Variants in GLI3 observed in about 807,000 individuals in gnomAD.
The protein encoded by GLI3 is transcription activator GLI3.
A neutral mutation model predicts 100.8 loss-of-function variants in GLI3; 20 were observed. The observed-to-expected ratio is 0.20, with a 90% CI of 0.14 to 0.29. The LOEUF (loss-of-function observed/expected upper bound fraction) is 0.29, where lower values mean the gene tolerates loss of function less well. GLI3 is among the 10% of genes least tolerant of loss of function. GLI3 has a pLI of 1.00. For synonymous variants in GLI3, 938 were observed against 860.5 expected (o/e 1.09, Z -1.58); for missense variants, 2,040 against 2,128.5 (o/e 0.96, Z 0.82).
At chr7:42,145,286 T>A in intron 3 of GLI3, 1 of 312,030 alleles carries the variant, frequency 3.2e-6, no homozygotes, top group East Asian at 5.1e-5. Context: ...TAGGATGTCT[T>A]TAAATATTCA....
chr7:42,236,744 G>T (rs1788807410), intron 1 of GLI3, among the ~76,000 whole-genome samples: 1 of 152,228 alleles, frequency 6.6e-6, no homozygotes, highest in Non-Finnish European at 1.5e-5. Context: ...TCTCCGGCCG[G>T]TCCGCGGGTC....
At chr7:42,128,292 C>T (rs1397146648) in intron 3 of GLI3, among the ~76,000 whole-genome samples, 2 of 151,228 alleles carry the variant, frequency 1.3e-5, no homozygotes, top group African/African-American at 4.9e-5. Context: ...TTCTATCAAC[C>T]TATCATGTAT....
At chr7:41,968,747 A>AGAAAGAAGGAAG (rs1554305464) in intron 13 of GLI3, among the ~76,000 whole-genome samples, 5 of 122,046 alleles carry the variant, frequency 4.1e-5, no homozygotes, top group Admixed American at 7.9e-5. Context: ...AAAGAAAGAA[A>AGAAAGAAGGAAG]GAAAGAAAGA....
At chr7:42,068,109 C>A (rs150578956) in intron 4 of GLI3, among the ~76,000 whole-genome samples, 1 of 152,238 alleles carries the variant, frequency 6.6e-6, no homozygotes, top group South Asian at 2.1e-4. Context: ...ATTCTCCCTG[C>A]ATTATTTTCT....
At chr7:42,237,344 C>T (rs1788829740), upstream of GLI3, among the ~76,000 whole-genome samples, 1 of 152,004 alleles carries the variant, frequency 6.6e-6, no homozygotes, top group African/African-American at 2.4e-5. Flanking sequence ...GGTTCAACCG[C>T]GGGAGGGAGG....
intron 2 of GLI3, chr7:42,172,545 C>T (rs1252424439): frequency 1.4e-6 from 1 of 703,008 alleles, no homozygotes; most frequent in Admixed American, 2.0e-5. Flanking sequence ...GGTTTGTACG[C>T]ATTCTTTGGA....
At chr7:42,208,886 T>A (rs983262785) in intron 2 of GLI3, among the ~76,000 whole-genome samples, 1 of 152,084 alleles carries the variant, frequency 6.6e-6, no homozygotes, top group Non-Finnish European at 1.5e-5. Flanking sequence ...TAATGAATAA[T>A]ACCAAGTCTA....
At chr7:42,144,061 A>G (rs1371109008) in intron 3 of GLI3, among the ~76,000 whole-genome samples, 1 of 152,240 alleles carries the variant, frequency 6.6e-6, no homozygotes, top group Non-Finnish European at 1.5e-5. Flanking sequence ...TGTTTTCTGT[A>G]AAAGGGAAGC....
intron 2 of GLI3, among the ~76,000 whole-genome samples, chr7:42,177,898 T>A (rs1787512256): frequency 6.6e-6 from 1 of 152,156 alleles, no homozygotes. Flanking sequence ...CTAGGGGCAG[T>A]ATCACTCACG....
At chr7:42,172,353 G>A in intron 2 of GLI3, 4 of 574,436 alleles carry the variant, frequency 7.0e-6, no homozygotes, top group Middle Eastern at 4.0e-4. Context: ...AGAAAAGAGG[G>A]ATCCGCATGT....
chr7:42,187,317 T>C (rs924047402), intron 2 of GLI3, among the ~76,000 whole-genome samples: 2 of 152,126 alleles, frequency 1.3e-5, no homozygotes, highest in African/African-American at 2.4e-5. Context: ...TTTGAAAATG[T>C]TACAGTGAAG....
chr7:42,013,433 C>G (rs1296349572), intron 10 of GLI3, among the ~76,000 whole-genome samples: 1 of 151,860 alleles, frequency 6.6e-6, no homozygotes, highest in Non-Finnish European at 1.5e-5. Flanking sequence ...CACTCTGTTG[C>G]CCAGGCTGGA....
chr7:42,001,135 C>T (rs912188468), intron 10 of GLI3, among the ~76,000 whole-genome samples: 57 of 149,406 alleles, frequency 3.8e-4, no homozygotes, highest in African/African-American at 1.2e-3. Context: ...ATCCCAGCTA[C>T]GCAGGAGGCT....
At chr7:42,260,077 C>T (rs576806811) in intron 1 of GLI3, among the ~76,000 whole-genome samples, 1 of 152,228 alleles carries the variant, frequency 6.6e-6, no homozygotes, top group South Asian at 2.1e-4. Flanking sequence ...AAATATTTGT[C>T]AGGAAGATCA....
At chr7:42,023,788 C>T (rs376456602) in intron 9 of GLI3, among the ~76,000 whole-genome samples, 180 bp from the exon 10 acceptor site, 5 of 152,254 alleles carry the variant, frequency 3.3e-5, no homozygotes, top group African/African-American at 1.2e-4. Flanking sequence ...CAAATACACT[C>T]TGAGAGTTTT....
chr7:42,193,256 G>T (rs1338470803), intron 2 of GLI3, among the ~76,000 whole-genome samples: 1 of 152,088 alleles, frequency 6.6e-6, no homozygotes, highest in African/African-American at 2.4e-5. Context: ...AGACCCTCTT[G>T]CCTTTTTGTT....
At chr7:42,223,900 C>A (rs1035173588) in intron 1 of GLI3, among the ~76,000 whole-genome samples, 1 of 152,208 alleles carries the variant, frequency 6.6e-6, no homozygotes, top group Non-Finnish European at 1.5e-5. Context: ...TCTTTAACCT[C>A]TTTAAAGCAT....
intron 1 of GLI3, among the ~76,000 whole-genome samples, chr7:42,234,715 T>C (rs907000133): frequency 2.0e-5 from 3 of 152,102 alleles, no homozygotes; most frequent in Non-Finnish European, 4.4e-5. Context: ...TTGTGTGAAA[T>C]TTCACTAGAC....
At position 42,223,110 on chromosome 7, in the gene GLI3, G is replaced by C. The variant is rs1281736844; in HGVS notation, c.124+20C>G. 6.2e-7 allele frequency: 1 copy of C among 1,613,444 alleles called. No individual in the cohort carries two copies. Among genetic ancestry groups the C allele is most frequent in the African/African-American group, 1.3e-5 (1 of 74,900 alleles). ...GAAATGACTCCAGGCTGGGCTGCTG[G>C]TAATCCCTGTGCTGCTCACCATTAG... is the stretch of plus-strand genomic sequence containing the variant. On this transcript the variant is annotated intron_variant, in intron 2 of 14. Transcript: ENST00000395925.
Sources: gnomAD v4.1 joint callset for allele counts (sites outside exome capture counted in the v4.1 genomes callset) on GRCh38, gnomAD v4.1.1 for gene constraint, MANE v1.5 for transcripts, NCBI Gene and HGNC (gene_info 2026-07-23, HGNC 2026-07-21) for gene names.